Variants in MAP2K2 observed in about 807,000 individuals in gnomAD.
The protein encoded by MAP2K2 is mitogen-activated protein kinase kinase 2.
In MAP2K2, 24 loss-of-function variants were observed where a neutral mutation model predicts 43.7. The observed-to-expected ratio is 0.55, with a 90% confidence interval of 0.40 to 0.77. The LOEUF is 0.77. MAP2K2 is among the 30% of genes least tolerant of loss of function. MAP2K2 has a pLI of 0.00. For missense variants in MAP2K2, 470 were observed against 566.8 expected (o/e 0.83, Z 1.73); for synonymous variants, 244 against 239.7 (o/e 1.02, Z -0.17).
intron 2 of MAP2K2, 32 bp from the exon 3 acceptor site, chr19:4,110,687 G>T (rs1300606456): frequency 6.9e-6 from 11 of 1,601,466 alleles, no homozygotes; most frequent in African/African-American, 1.3e-5. Context: ...ACTGGCTTGG[G>T]GGGTGCCCGA....
chr19:4,118,350 G>C (rs1469641132), intron 1 of MAP2K2, among the ~76,000 whole-genome samples: 1 of 152,174 alleles, frequency 6.6e-6, no homozygotes, highest in African/African-American at 2.4e-5. Context: ...AGGAGATAGA[G>C]GAACAAGCGT....
rs1263179171 is a variant in MAP2K2, at chr19:4,110,462, C to G, written c.450+47G>C. ...GGGTCTTCCTTCTCCCCAACATGCT[C>G]TGTTCCGTGGAGGCCCTGCCCCTGC... is the stretch of plus-strand genomic sequence containing the variant. On this transcript the variant is annotated intron_variant, in intron 3 of 10. Transcript: ENST00000262948. The G allele has an allele frequency of 1.9e-6, 3 of 1,608,176 alleles. No homozygotes were observed. The African/African-American group carries it at 4.0e-5, about 21-fold the overall frequency.
chr19:4,113,582 A>G (rs1309293887), intron 2 of MAP2K2, among the ~76,000 whole-genome samples: 2 of 152,138 alleles, frequency 1.3e-5, no homozygotes, highest in Admixed American at 1.3e-4. Context: ...CTAAGTCAGG[A>G]CTGGGGCTGC....
Position 4,099,235 on chromosome 19 carries a change from C to A in MAP2K2, c.885G>T (p.Ser295=), listed in dbSNP as rs368405565. 3 of 1,605,218 alleles carry A rather than the reference C, an allele frequency of 1.9e-6. No homozygotes were observed. In the East Asian group the frequency reaches 6.7e-5, roughly 36 times the overall value. ...DGEEGEPHSI[S]PRPRPPGRPV... The stretch of plus-strand genomic sequence containing the variant: ...GGCGCCCGGGGGGCCTCGGCCGAGG[C>A]GAGATGCTGTGAGGCTCTCCTTCTT... The change falls in exon 7 of 11, where the codon TCG becomes TCT. Residue 295 remains serine (S), a synonymous_variant. Coordinates refer to ENST00000262948, the MANE Select transcript of MAP2K2 (RefSeq NM_030662.4).
chr19:4,107,111 C>T (rs767778674), intron 3 of MAP2K2, among the ~76,000 whole-genome samples: 21 of 152,298 alleles, frequency 1.4e-4, no homozygotes, highest in Admixed American at 1.1e-3. Context: ...TATATAAATA[C>T]ATCACTGGGC....
At chr19:4,093,744 G>A (rs2040876647) in intron 10 of MAP2K2, among the ~76,000 whole-genome samples, 1 of 152,176 alleles carries the variant, frequency 6.6e-6, no homozygotes, top group Non-Finnish European at 1.5e-5. Context: ...AAGGCACCCG[G>A]TTGGGTGTCT....
At chr19:4,093,932 C>T (rs1038787955) in intron 10 of MAP2K2, among the ~76,000 whole-genome samples, 3 of 152,124 alleles carry the variant, frequency 2.0e-5, no homozygotes, top group African/African-American at 7.2e-5. Context: ...ATGCCCGGGG[C>T]CCTCCTCTGA....
In MAP2K2 at chr19:4,099,204, T is replaced by G. The variant is rs2145049489; in HGVS notation, c.916A>C (p.Ser306Arg). ...AAGTTGCAGATTCAGGCCGTACCGCTGACGGGGCGCCCGGGGGGCCTCGGC... is the reference window on the plus strand; with the variant it reads ...AAGTTGCAGATTCAGGCCGTACCGCGGACGGGGCGCCCGGGGGGCCTCGGC... ...PRPRPPGRPVSGHGMDSRPAM... is the reference protein window; with the variant it reads ...PRPRPPGRPVRGHGMDSRPAM... The change falls in exon 7 of 11, where the codon AGC becomes CGC. Residue 306 changes from serine (S) to arginine (R), a missense_variant. By Grantham distance (110) the Ser-to-Arg change is moderately radical (BLOSUM62 -1). Around this residue, in one of 3 missense-constraint regions of MAP2K2, gnomAD observed 212 missense variants for 220.8 expected, o/e 0.96. Transcript: ENST00000262948. 1 of 1,601,372 alleles carries G rather than the reference T, an allele frequency of 6.2e-7. No homozygotes were observed. Among genetic ancestry groups the G allele is most frequent in the Non-Finnish European group, 8.5e-7 (1 of 1,175,036 alleles).
chr19:4,095,883 T>TCCAG (rs1414725750), intron 8 of MAP2K2, among the ~76,000 whole-genome samples: 1 of 152,230 alleles, frequency 6.6e-6, no homozygotes, highest in Non-Finnish European at 1.5e-5. Context: ...CAAGGGATTC[T>TCCAG]CCAGCCTCAG....
At chr19:4,117,023 G>A (rs1024717095) in intron 2 of MAP2K2, among the ~76,000 whole-genome samples, 20 of 152,364 alleles carry the variant, frequency 1.3e-4, no homozygotes, top group Middle Eastern at 6.8e-3. Flanking sequence ...TAGGCGGTCT[G>A]TCACTGGCTG....
intron 6 of MAP2K2, chr19:4,100,752 G>A (rs2040994851): frequency 8.9e-6 from 5 of 559,554 alleles, no homozygotes; most frequent in African/African-American, 1.9e-5. Flanking sequence ...TGTGGCAAGT[G>A]GGGAGAGCTG....
At chr19:4,095,895 C>T (rs1019353847) in intron 8 of MAP2K2, among the ~76,000 whole-genome samples, 1 of 152,238 alleles carries the variant, frequency 6.6e-6, no homozygotes, top group Non-Finnish European at 1.5e-5. Flanking sequence ...CAGCCTCAGC[C>T]TCCTGAGTAG....
rs192478889 is a variant in MAP2K2 at position 4,100,928 on chromosome 19, G to T, written c.705+91C>A. 8 of 1,450,688 alleles carry T rather than the reference G, an allele frequency of 5.5e-6. No homozygotes were observed. In the East Asian group the frequency reaches 7.4e-5, roughly 13 times the overall value. 89.9% of individuals were successfully genotyped at this position (1,450,688 alleles called of 1,614,324 possible). A position where few individuals can be genotyped will look rare whatever the true frequency, so the allele number is the denominator to read the frequency against. ...CAGGAGACATGGGGGTGAGAGCTGA[G>T]GGGGAGAGCTGGCTGGCAGAGCTGG... is the stretch of plus-strand genomic sequence containing the variant. On this transcript the variant is annotated intron_variant, in intron 6 of 10. Coordinates refer to ENST00000262948, the MANE Select transcript of MAP2K2 (RefSeq NM_030662.4).
intron 9 of MAP2K2, chr19:4,094,701 G>A: frequency 1.7e-6 from 1 of 597,562 alleles, no homozygotes. Flanking sequence ...TGGTGCCAGG[G>A]GCAGGACACC....
chr19:4,119,165 G>A (rs1269659131), intron 1 of MAP2K2, among the ~76,000 whole-genome samples: 1 of 152,108 alleles, frequency 6.6e-6, no homozygotes, highest in Non-Finnish European at 1.5e-5. Context: ...CTTCCTAGTA[G>A]CTAGGATCAC....
chr19:4,119,960 C>T (rs540619043), intron 1 of MAP2K2, among the ~76,000 whole-genome samples: 226 of 152,410 alleles, frequency 1.5e-3, no homozygotes, highest in Non-Finnish European at 2.4e-3. Context: ...GAGGCGATGG[C>T]GCTGGAGCTG....
In MAP2K2 at chr19:4,107,719, C is replaced by CA. The variant is rs375070941; in HGVS notation, c.450+2789dup. Among the ~76,000 whole-genome samples, 755 of 151,138 alleles carry CA rather than the reference C, an allele frequency of 5.0e-3. 6 individuals carry two copies. The highest frequency in any genetic ancestry group is 0.017 in the African/African-American group (718 of 41,064). ...GAGACCTTGTACCCCCTACCCCCCA[C>CA]AAAAAAAGAAGGAAAAAAATGCAAA... On this transcript the variant is annotated intron_variant, in intron 3 of 10. Coordinates refer to ENST00000262948, the MANE Select transcript of MAP2K2 (RefSeq NM_030662.4).
At chr19:4,110,756 A>T in intron 2 of MAP2K2, 101 bp from the exon 3 acceptor site, 4 of 1,311,828 alleles carry the variant, frequency 3.0e-6, no homozygotes, top group Non-Finnish European at 4.2e-6. Context: ...AGTGGTCAAG[A>T]CCAACTCAGT....
rs1303227439 is a variant in MAP2K2, at chr19:4,120,971, C to T, written c.92+2813G>A. Among the ~76,000 whole-genome samples the T allele has an allele frequency of 2.0e-5, 3 of 152,080 alleles. No individual in the cohort carries two copies. In the East Asian group the frequency reaches 5.8e-4, roughly 29 times the overall value. Reference sequence around the variant, plus strand: ...AAGGCCGACCCCCAAGCGGGAGAGGCCACCAGACATGCCACAGTCCCTGAC... The same window carrying T: ...AAGGCCGACCCCCAAGCGGGAGAGGTCACCAGACATGCCACAGTCCCTGAC... On this transcript the variant is annotated intron_variant, in intron 1 of 10. Coordinates refer to ENST00000262948, the MANE Select transcript of MAP2K2 (RefSeq NM_030662.4).
Sources: gnomAD v4.1 joint callset for allele counts (sites outside exome capture counted in the v4.1 genomes callset) on GRCh38, gnomAD v4.1.1 for gene constraint, gnomAD v4.1.1 regional missense constraint, MANE v1.5 for transcripts, NCBI Gene and HGNC (gene_info 2026-07-23, HGNC 2026-07-21) for gene names.